EPHB2: variants seen among roughly 807,000 people sequenced by gnomAD.
EPHB2 encodes the protein EPH receptor B2, also known as ephrin type-B receptor 2.
In EPHB2, 18 loss-of-function variants were observed where a neutral mutation model predicts 96.4. The ratio of observed to expected loss-of-function variants is 0.19; its 90% CI spans 0.13 to 0.28. EPHB2 has a LOEUF of 0.28. EPHB2 is among the 10% of genes least tolerant of loss of function. The probability of loss-of-function intolerance (pLI) is 1.00; values close to 1 mark genes in which losing one functional copy is unlikely to be tolerated. For synonymous variants in EPHB2, 506 were observed against 534.1 expected (o/e 0.95, Z 0.72); for missense variants, 989 against 1,355.4 (o/e 0.73, Z 4.25).
chr1:22,719,063 T>A (rs1643368327), intron 1 of EPHB2, among the ~76,000 whole-genome samples: 1 of 152,230 alleles, frequency 6.6e-6, no homozygotes, highest in Admixed American at 6.5e-5. Flanking sequence ...ATCTCTGTGA[T>A]AATGGTCAGA....
At chr1:22,818,359 G>A (rs1645103587) in intron 3 of EPHB2, among the ~76,000 whole-genome samples, 1 of 151,910 alleles carries the variant, frequency 6.6e-6, no homozygotes, top group African/African-American at 2.4e-5. Context: ...TTCCCTCCTG[G>A]CCCCATGAAC....
chr1:22,911,095 G>A (rs772780313), intron 14 of EPHB2, among the ~76,000 whole-genome samples: 3 of 151,592 alleles, frequency 2.0e-5, no homozygotes, highest in Non-Finnish European at 4.4e-5. Context: ...AGCTGAGATC[G>A]TGCCACTGCA....
At chr1:22,824,782 C>T (rs979791326) in intron 3 of EPHB2, among the ~76,000 whole-genome samples, 6 of 152,208 alleles carry the variant, frequency 3.9e-5, no homozygotes, top group East Asian at 3.8e-4. Context: ...CTGTCCCTGT[C>T]GTGGTTTTAA....
chr1:22,738,856 A>G (rs1557645410), intron 1 of EPHB2, among the ~76,000 whole-genome samples: 1 of 152,070 alleles, frequency 6.6e-6, no homozygotes, highest in South Asian at 2.1e-4. Context: ...GAACCTCTAG[A>G]CCAAGGTGCC....
intron 3 of EPHB2, among the ~76,000 whole-genome samples, chr1:22,833,084 G>A (rs1403259376): frequency 2.0e-5 from 3 of 151,500 alleles, no homozygotes; most frequent in Non-Finnish European, 4.4e-5. Context: ...ATCCTTGGGT[G>A]ACTTGGTTTT....
At chr1:22,893,936 C>G (rs1639471611) in intron 7 of EPHB2, among the ~76,000 whole-genome samples, 1 of 152,236 alleles carries the variant, frequency 6.6e-6, no homozygotes, top group East Asian at 1.9e-4. Context: ...CCAGCATCCT[C>G]TCTTAGTATC....
intron 3 of EPHB2, among the ~76,000 whole-genome samples, chr1:22,857,300 C>T (rs1230827708): frequency 3.3e-5 from 5 of 152,108 alleles, no homozygotes; most frequent in Non-Finnish European, 7.3e-5. Flanking sequence ...CACACCACTG[C>T]ATATGGAGCA....
chr1:22,896,924 G>A (rs1160428469), intron 9 of EPHB2, among the ~76,000 whole-genome samples: 1 of 152,214 alleles, frequency 6.6e-6, no homozygotes, highest in Non-Finnish European at 1.5e-5. Flanking sequence ...GTAGGCACTA[G>A]ACATATTTGC....
At chr1:22,780,157 T>G (rs1317509632) in intron 1 of EPHB2, among the ~76,000 whole-genome samples, 2 of 152,182 alleles carry the variant, frequency 1.3e-5, no homozygotes, top group African/African-American at 4.8e-5. Context: ...TTCGGTGTAT[T>G]GCAATTCCAT....
intron 1 of EPHB2, among the ~76,000 whole-genome samples, chr1:22,750,188 C>T (rs1210460997): frequency 6.6e-6 from 1 of 152,192 alleles, no homozygotes; most frequent in Non-Finnish European, 1.5e-5. Flanking sequence ...CAACTTCTCC[C>T]ATGGGCCACC....
chr1:22,716,458 A>C (rs1052394057), intron 1 of EPHB2, among the ~76,000 whole-genome samples: 2 of 151,986 alleles, frequency 1.3e-5, no homozygotes, highest in African/African-American at 4.8e-5. Context: ...CAGCCTCCGG[A>C]GTAGCTGGGA....
intron 1 of EPHB2, among the ~76,000 whole-genome samples, chr1:22,758,066 C>G (rs1335718139): frequency 1.0e-4 from 14 of 139,550 alleles, no homozygotes; most frequent in Non-Finnish European, 1.3e-4. Context: ...CTACAGGCGC[C>G]CGCTACCACA....
At chr1:22,734,385 T>C (rs1167220090) in intron 1 of EPHB2, among the ~76,000 whole-genome samples, 3 of 151,754 alleles carry the variant, frequency 2.0e-5, no homozygotes, top group East Asian at 1.9e-4. Context: ...CCCAGAGATA[T>C]ATACACTCAA....
intron 1 of EPHB2, among the ~76,000 whole-genome samples, chr1:22,722,060 G>A (rs951485279): frequency 6.6e-6 from 1 of 152,104 alleles, no homozygotes; most frequent in Non-Finnish European, 1.5e-5. Flanking sequence ...CAATTCTTGG[G>A]CCTCAGCCTC....
Position 22,913,721 on chromosome 1 carries a change from G to A in EPHB2, c.*151G>A, listed in dbSNP as rs1185020740. ...AACCAAGCGGTGCCAGCCACGAGAC[G>A]TCACCAAGAAAACATGCAACTCAAA... is the stretch of plus-strand genomic sequence containing the variant. On this transcript the variant is annotated 3_prime_UTR_variant, in exon 16 of 16. Coordinates refer to ENST00000374630, the MANE Select transcript of EPHB2 (RefSeq NM_017449.5). This position sits in a 1 kb window ranked among gnomAD's most constrained non-coding sequence, Gnocchi z 4.1. 1.5e-5 allele frequency: 24 copies of A among 1,602,172 alleles called. No homozygotes were observed. The highest frequency in any genetic ancestry group is 1.1e-5 in the South Asian group (1 of 89,234).
intron 1 of EPHB2, among the ~76,000 whole-genome samples, chr1:22,737,593 A>G (rs1570178654): frequency 6.6e-6 from 1 of 152,124 alleles, no homozygotes; most frequent in Non-Finnish European, 1.5e-5. Flanking sequence ...CCTCCTTGGT[A>G]TATCCTTCTT....
rs1165716836 is a variant in EPHB2 at position 22,733,872 on chromosome 1, C to T, written c.61+22829C>T. On this transcript the variant is annotated intron_variant, in intron 1 of 15. Transcript: ENST00000374630. The surrounding 1 kb of genome is among the most constrained non-coding windows in gnomAD (Gnocchi z 4.6). ...TAGAAGTTGAACCCGGGACTGGATT[C>T]TTGACCTGGTATGATTTGGTGGGGA... Among the ~76,000 whole-genome samples the T allele has an allele frequency of 6.6e-6, 1 of 151,986 alleles. No individual in the cohort carries two copies. Among genetic ancestry groups the T allele is most frequent in the Non-Finnish European group, 1.5e-5 (1 of 67,982 alleles).
intron 3 of EPHB2, among the ~76,000 whole-genome samples, chr1:22,843,964 T>C (rs1189386157): frequency 6.6e-6 from 1 of 152,266 alleles, no homozygotes; most frequent in African/African-American, 2.4e-5. Context: ...TCCAGCTCCA[T>C]CCACGCTGTT....
chr1:22,740,662 C>G (rs577486838), intron 1 of EPHB2, among the ~76,000 whole-genome samples: 1 of 152,310 alleles, frequency 6.6e-6, no homozygotes, highest in South Asian at 2.1e-4. Flanking sequence ...CTTGCCATTC[C>G]TGGAACTCAC....
Sources: gnomAD v4.1 joint callset for allele counts (sites outside exome capture counted in the v4.1 genomes callset) on GRCh38, gnomAD v4.1.1 for gene constraint, Gnocchi (gnomAD v3.1) non-coding constraint, MANE v1.5 for transcripts, NCBI Gene and HGNC (gene_info 2026-07-23, HGNC 2026-07-21) for gene names.